Variants in ADAMTS6 observed in about 807,000 individuals in gnomAD.
ADAMTS6 encodes the protein A disintegrin and metalloproteinase with thrombospondin motifs 6.
Under a neutral mutation model 144.3 loss-of-function variants are expected in ADAMTS6, and 23 were observed. That is an observed-to-expected ratio of 0.16 (90% CI 0.11 to 0.23). The LOEUF (loss-of-function observed/expected upper bound fraction) is 0.23. Ranked by LOEUF, ADAMTS6 falls within the 10% of genes least tolerant of loss-of-function variation. ADAMTS6 has a pLI of 1.00. For synonymous variants in ADAMTS6, 444 were observed against 457.5 expected (o/e 0.97, Z 0.38); for missense variants, 999 against 1,379.6 (o/e 0.72, Z 4.37).
At chr5:65,270,621 C>A (rs1429530438) in intron 12 of ADAMTS6, among the ~76,000 whole-genome samples, 1 of 151,948 alleles carries the variant, frequency 6.6e-6, no homozygotes, top group East Asian at 1.9e-4. Flanking sequence ...TTTATTCATT[C>A]TTTTTAAGAC....
At chr5:65,193,206 C>T (rs371465698) in intron 21 of ADAMTS6, among the ~76,000 whole-genome samples, 1 of 151,806 alleles carries the variant, frequency 6.6e-6, no homozygotes, top group African/African-American at 2.4e-5. Flanking sequence ...GGTTTGACAG[C>T]TTTCTTAAAT....
At chr5:65,202,958 C>T (rs1354416820) in intron 20 of ADAMTS6, among the ~76,000 whole-genome samples, 1 of 152,190 alleles carries the variant, frequency 6.6e-6, no homozygotes, top group Non-Finnish European at 1.5e-5. Context: ...AAGTTGCCTT[C>T]TCTTCTCTTC....
At chr5:65,354,567 C>T (rs562520632) in intron 7 of ADAMTS6, among the ~76,000 whole-genome samples, 49 of 151,830 alleles carry the variant, frequency 3.2e-4, no homozygotes, top group Non-Finnish European at 8.9e-5. Context: ...ATGGCTAATT[C>T]AGTCGTTAAT....
chr5:65,330,884 A>G (rs1746652961), intron 8 of ADAMTS6, among the ~76,000 whole-genome samples: 1 of 152,054 alleles, frequency 6.6e-6, no homozygotes, highest in African/African-American at 2.4e-5. Flanking sequence ...TAAAAAGTGG[A>G]GCAGGATAAC....
intron 7 of ADAMTS6, among the ~76,000 whole-genome samples, chr5:65,405,380 C>A (rs1051119192): frequency 6.6e-6 from 1 of 152,174 alleles, no homozygotes; most frequent in African/African-American, 2.4e-5. Flanking sequence ...CCAGTTTTCC[C>A]AGCACCATTT....
At chr5:65,295,611 A>T (rs186962358) in intron 10 of ADAMTS6, among the ~76,000 whole-genome samples, 1 of 152,088 alleles carries the variant, frequency 6.6e-6, no homozygotes, top group African/African-American at 2.4e-5. Flanking sequence ...TTGTACATAT[A>T]AAAAGTAGAC....
At position 65,192,879 on chromosome 5, in the gene ADAMTS6, G is replaced by A. The variant is rs142775881; in HGVS notation, c.2705+4143C>T. 1.6e-4 allele frequency among the ~76,000 whole-genome samples: 24 copies of A among 151,528 alleles called. No homozygotes were observed. The East Asian group carries it at 2.7e-3, about 17-fold the overall frequency. On this transcript the variant is annotated intron_variant, in intron 21 of 24. Coordinates refer to ENST00000381055, the MANE Select transcript of ADAMTS6 (RefSeq NM_197941.4). ...TTTTGTCTATTTTTCCTAGTCCTCC[G>A]TCATTTTCTCTATAAGGACAAATCT...
intron 24 of ADAMTS6, among the ~76,000 whole-genome samples, chr5:65,156,317 C>T (rs185081846): frequency 1.7e-3 from 258 of 150,174 alleles, no homozygotes; most frequent in Non-Finnish European, 2.4e-3. Flanking sequence ...CACAAAAAAA[C>T]GAAAACAAAA....
At chr5:65,256,523 T>C (rs1253772653) in intron 14 of ADAMTS6, 1 of 152,188 alleles carries the variant, frequency 6.6e-6, no homozygotes, top group Non-Finnish European at 1.5e-5. Flanking sequence ...ATCCATAATA[T>C]AGTTATGTTA....
intron 24 of ADAMTS6, among the ~76,000 whole-genome samples, chr5:65,152,243 A>G (rs1752178640): frequency 6.6e-6 from 1 of 152,236 alleles, no homozygotes; most frequent in Non-Finnish European, 1.5e-5. Flanking sequence ...ATTTGCTAGG[A>G]TAAGTGATCA....
At chr5:65,272,278 A>G (rs1009786944) in intron 12 of ADAMTS6, among the ~76,000 whole-genome samples, 2 of 152,238 alleles carry the variant, frequency 1.3e-5, no homozygotes, top group African/African-American at 4.8e-5. Context: ...TAGAATTTAA[A>G]TTTACATAAA....
intron 12 of ADAMTS6, among the ~76,000 whole-genome samples, chr5:65,272,928 CAA>C (rs775273661): frequency 5.8e-4 from 47 of 81,086 alleles, no homozygotes; most frequent in Non-Finnish European, 5.2e-4. Flanking sequence ...GACCCTGTCT[CAA>C]AAAAAAAAAA....
intron 11 of ADAMTS6, among the ~76,000 whole-genome samples, chr5:65,285,223 T>A (rs1763274687): frequency 6.6e-6 from 1 of 152,176 alleles, no homozygotes; most frequent in South Asian, 2.1e-4. Flanking sequence ...ACGTGGCCTA[T>A]AAGGTGCAGT....
chr5:65,311,771 A>C (rs759792383), intron 9 of ADAMTS6, among the ~76,000 whole-genome samples: 11 of 152,092 alleles, frequency 7.2e-5, no homozygotes, highest in Non-Finnish European at 1.5e-4. Flanking sequence ...TGGAAAGAGC[A>C]AACATAGCCT....
intron 7 of ADAMTS6, among the ~76,000 whole-genome samples, chr5:65,448,109 T>G (rs1045766763): frequency 6.6e-6 from 1 of 150,438 alleles, no homozygotes; most frequent in Non-Finnish European, 1.5e-5. Flanking sequence ...TACACATATA[T>G]GTACATATAA....
chr5:65,190,312 C>A (rs1754930747), intron 21 of ADAMTS6, among the ~76,000 whole-genome samples: 2 of 152,102 alleles, frequency 1.3e-5, no homozygotes, highest in Admixed American at 1.3e-4. Context: ...AAGTAATTTT[C>A]ATATTCTTTC....
chr5:65,405,727 T>C (rs1754406904), intron 7 of ADAMTS6, among the ~76,000 whole-genome samples: 1 of 152,220 alleles, frequency 6.6e-6, no homozygotes, highest in Non-Finnish European at 1.5e-5. Flanking sequence ...ATCTATAAAT[T>C]ATCTTAGGCA....
intron 7 of ADAMTS6, among the ~76,000 whole-genome samples, chr5:65,414,401 T>C (rs576381042): frequency 6.6e-6 from 1 of 152,178 alleles, no homozygotes; most frequent in Non-Finnish European, 1.5e-5. Context: ...TTATTCCATT[T>C]AATTTTCAGA....
At chr5:65,455,618 C>T (rs6896524) in intron 4 of ADAMTS6, among the ~76,000 whole-genome samples, 12,127 of 151,352 alleles carry the variant, frequency 0.08, 561 homozygotes, top group Non-Finnish European at 0.11. Context: ...ATTTCAAATC[C>T]TAAATTAATG....
Sources: allele counts gnomAD v4.1 joint callset (sites outside exome capture counted in the v4.1 genomes callset), GRCh38; gene constraint gnomAD v4.1.1; transcripts MANE v1.5; gene names NCBI Gene and HGNC (gene_info 2026-07-23, HGNC 2026-07-21).